Variants in ATG2B observed in about 807,000 individuals in gnomAD.
ATG2B encodes autophagy-related protein 2 homolog B.
In ATG2B, 121 loss-of-function variants were observed where a neutral mutation model predicts 241.3. That is an observed-to-expected ratio of 0.50 (90% confidence interval 0.43 to 0.58). The LOEUF is 0.58. Ranked by LOEUF, ATG2B falls within the 20% of genes least tolerant of loss-of-function variation. ATG2B has a pLI of 0.00. For synonymous variants in ATG2B, 858 were observed against 876.6 expected (o/e 0.98, Z 0.37); for missense variants, 2,306 against 2,491.6 (o/e 0.93, Z 1.59).
Position 96,363,081 on chromosome 14 carries a change from G to A in ATG2B, c.-105C>T, listed in dbSNP as rs1322833063. ...CCGCGGCGGGGCCTAAGCCTGGGGC[G>A]GCCCCTCCATCCCTATTTGGTGCCG... is the stretch of plus-strand genomic sequence containing the variant. On this transcript the variant is annotated 5_prime_UTR_variant, in exon 1 of 42. Transcript: ENST00000359933. 5 of 1,361,076 alleles carry A rather than the reference G, an allele frequency of 3.7e-6. No homozygotes were observed. The highest frequency in any genetic ancestry group is 2.9e-5 in the African/African-American group (2 of 69,060). 84.3% of individuals were successfully genotyped at this position (1,361,076 alleles called of 1,614,324 possible).
chr14:96,333,214 T>C (rs377169735), intron 8 of ATG2B, among the ~76,000 whole-genome samples: 1 of 152,128 alleles, frequency 6.6e-6, no homozygotes. Context: ...TTAGCATTTA[T>C]ACATTGTGAA....
chr14:96,339,388 C>A (rs7143955), intron 6 of ATG2B, among the ~76,000 whole-genome samples: 1 of 151,770 alleles, frequency 6.6e-6, no homozygotes, highest in South Asian at 2.1e-4. Flanking sequence ...TGTATATACA[C>A]ACATGTGTAT....
At position 96,315,096 on chromosome 14, in the gene ATG2B, T is replaced by C. The variant is rs1318598801; in HGVS notation, c.3642+58A>G. Reference sequence around the variant, plus strand: ...TGACTTACAAACTTTTCAGTATGTGTATTAGATGTCAACACAAATTTTTAA... The same window carrying C: ...TGACTTACAAACTTTTCAGTATGTGCATTAGATGTCAACACAAATTTTTAA... On this transcript the variant is annotated intron_variant, in intron 23 of 41. Coordinates refer to ENST00000359933, the MANE Select transcript of ATG2B (RefSeq NM_018036.7). The C allele has an allele frequency of 2.4e-6, 3 of 1,250,666 alleles. No homozygotes were observed. The East Asian group carries it at 7.6e-5, about 32-fold the overall frequency. 77.5% of individuals were successfully genotyped at this position (1,250,666 alleles called of 1,614,324 possible).
At chr14:96,344,799 T>A in intron 3 of ATG2B, 43 bp from the exon 4 acceptor site, 1 of 871,582 alleles carries the variant, frequency 1.1e-6, no homozygotes, top group South Asian at 2.1e-5. Context: ...ACCACATATA[T>A]GCTAAATAAA....
chr14:96,332,455 T>C (rs758089308), intron 9 of ATG2B, 45 bp from the exon 10 acceptor site: 3 of 1,612,028 alleles, frequency 1.9e-6, no homozygotes, highest in Non-Finnish European at 2.5e-6. Flanking sequence ...TGTAGAATTT[T>C]AGAAGCAACT....
intron 1 of ATG2B, among the ~76,000 whole-genome samples, chr14:96,362,188 A>G (rs1007172232): frequency 2.0e-5 from 3 of 152,142 alleles, no homozygotes; most frequent in Non-Finnish European, 4.4e-5. Context: ...CACGTGGAGC[A>G]AAGAGGCATA....
intron 1 of ATG2B, among the ~76,000 whole-genome samples, chr14:96,358,534 C>T (rs1311953070): frequency 6.6e-6 from 1 of 152,166 alleles, no homozygotes; most frequent in Non-Finnish European, 1.5e-5. Flanking sequence ...AAAATAATTT[C>T]CCTAAGTATA....
At chr14:96,287,037 C>T (rs540550251) in intron 41 of ATG2B, among the ~76,000 whole-genome samples, 24 of 152,098 alleles carry the variant, frequency 1.6e-4, no homozygotes, top group Admixed American at 3.9e-4. Flanking sequence ...AGGCGGATCA[C>T]GAGGTCAGGA....
rs1887141574 is a variant in ATG2B at position 96,311,123 on chromosome 14, C to A, written c.4155G>T (p.Arg1385Ser). The A allele has an allele frequency of 6.2e-7, 1 of 1,611,318 alleles. No homozygotes were observed. The highest frequency in any genetic ancestry group is 1.3e-5 in the African/African-American group (1 of 74,906). Residue 1385 changes from arginine (R) to serine (S), a missense_variant, in exon 28 of 42, where the codon AGG (arginine) becomes AGT (serine). Transcript: ENST00000359933. ...ADMKPGAFQR[R>S]SKVDSSGRSS... ...ATCACATTGCTGACTGTACCTTAGA[C>A]CTTCTTTGAAAGGCTCCAGGCTTCA...
At chr14:96,317,535 A>C (rs1195442251) in intron 19 of ATG2B, among the ~76,000 whole-genome samples, 163 bp downstream of exon 19, 2 of 152,240 alleles carry the variant, frequency 1.3e-5, no homozygotes, top group African/African-American at 4.8e-5. Context: ...TATTCTCAAT[A>C]TACAGATAGA....
intron 29 of ATG2B, among the ~76,000 whole-genome samples, chr14:96,307,941 G>A (rs1410923803): frequency 6.6e-6 from 1 of 151,634 alleles, no homozygotes; most frequent in Non-Finnish European, 1.5e-5. Context: ...ACTGTGATGA[G>A]GCTGAGAACA....
chr14:96,324,058 G>A, intron 15 of ATG2B, 60 bp from the exon 16 acceptor site: 1 of 1,134,618 alleles, frequency 8.8e-7, no homozygotes. Context: ...AAGAAGAGAT[G>A]GAGGAGCAAA....
chr14:96,309,105 C>T (rs80003262), intron 29 of ATG2B, among the ~76,000 whole-genome samples: 2,929 of 152,272 alleles, frequency 0.019, 34 homozygotes, highest in Middle Eastern at 0.041. Context: ...ATAAAATTAT[C>T]CCAATCCTTT....
chr14:96,320,951 A>T (rs954001621), intron 18 of ATG2B, among the ~76,000 whole-genome samples: 10 of 152,164 alleles, frequency 6.6e-5, no homozygotes, highest in African/African-American at 2.4e-4. Context: ...TTGAATATAC[A>T]TTAGGTGCTA....
chr14:96,333,019 GTTAT>G (rs1887781684), intron 8 of ATG2B, among the ~76,000 whole-genome samples: 1 of 152,056 alleles, frequency 6.6e-6, no homozygotes, highest in African/African-American at 2.4e-5. Context: ...TCTGGATACA[GTTAT>G]TTCTTTTATT....
intron 29 of ATG2B, among the ~76,000 whole-genome samples, chr14:96,307,680 G>C (rs1886991244): frequency 6.6e-6 from 1 of 151,988 alleles, no homozygotes; most frequent in Non-Finnish European, 1.5e-5. Flanking sequence ...AATGTAGGGG[G>C]AGGGAAGGGG....
intron 18 of ATG2B, 136 bp downstream of exon 18, chr14:96,321,976 C>T: frequency 1.6e-6 from 1 of 634,876 alleles, no homozygotes; most frequent in Non-Finnish European, 2.6e-6. Flanking sequence ...CGGCAATAGT[C>T]ACCATCAACA....
chr14:96,362,753 T>C, intron 1 of ATG2B, 62 bp downstream of exon 1: 4 of 1,527,194 alleles, frequency 2.6e-6, no homozygotes, highest in Non-Finnish European at 3.5e-6. Context: ...TGGATGGCAC[T>C]GGTTCAAAGC....
chr14:96,346,592 A>C (rs1356812689), intron 2 of ATG2B, among the ~76,000 whole-genome samples: 1 of 152,174 alleles, frequency 6.6e-6, no homozygotes, highest in Non-Finnish European at 1.5e-5. Context: ...GCATACCAAC[A>C]TACCTGTCAC....
Sources: gnomAD v4.1 joint callset for allele counts (sites outside exome capture counted in the v4.1 genomes callset) on GRCh38, gnomAD v4.1.1 for gene constraint, MANE v1.5 for transcripts, NCBI Gene and HGNC (gene_info 2026-07-23, HGNC 2026-07-21) for gene names.